ACAN: variants seen among roughly 807,000 people sequenced by gnomAD.
The protein encoded by ACAN is aggrecan core protein.
In ACAN, 47 loss-of-function variants were observed where a neutral mutation model predicts 169.1. The observed-to-expected ratio is 0.28, with a 90% CI of 0.22 to 0.35. The LOEUF (loss-of-function observed/expected upper bound fraction) is 0.35, where lower values mean the gene tolerates loss of function less well. Among genes scored for constraint, ACAN ranks in the 10% least tolerant of loss-of-function variants. ACAN has a pLI of 1.00. For missense variants in ACAN, 2,716 were observed against 2,759.9 expected, an observed-to-expected ratio of 0.98 and a Z score of 0.36; for synonymous variants, 1,115 against 1,112.2, an observed-to-expected ratio of 1.00 and a Z score of -0.05.
chr15:88,827,889 C>T (rs1293131485), intron 1 of ACAN, among the ~76,000 whole-genome samples: 2 of 152,192 alleles, frequency 1.3e-5, no homozygotes, highest in East Asian at 3.8e-4. Flanking sequence ...AGGAAAGTGT[C>T]AGAGCTGCGA....
At chr15:88,832,208 G>GA (rs1358367351) in intron 1 of ACAN, among the ~76,000 whole-genome samples, 1 of 149,710 alleles carries the variant, frequency 6.7e-6, no homozygotes, top group Non-Finnish European at 1.5e-5. Flanking sequence ...GTGAAGGAAT[G>GA]AAAAAAAAGA....
chr15:88,836,483 C>G (rs1896506919), intron 2 of ACAN, among the ~76,000 whole-genome samples: 1 of 152,214 alleles, frequency 6.6e-6, no homozygotes, highest in Non-Finnish European at 1.5e-5. Context: ...AGGAGCCTTG[C>G]TCAGATAACA....
intron 4 of ACAN, 88 bp from the exon 5 acceptor site, chr15:88,841,652 C>A: frequency 6.5e-7 from 1 of 1,530,308 alleles, no homozygotes; most frequent in South Asian, 1.2e-5. Context: ...GTTGCTGTTT[C>A]CTCCCACGGG....
Position 88,849,823 on chromosome 15 carries a change from C to T in ACAN, c.2026+92C>T. The T allele has an allele frequency of 7.3e-6, 11 of 1,503,622 alleles. No homozygotes were observed. Among genetic ancestry groups the T allele is most frequent in the Non-Finnish European group, 1.0e-5 (11 of 1,103,724 alleles). The allele number at this position is 1,503,622 out of a possible 1,614,324, so 93.1% of individuals were successfully genotyped here. On this transcript the variant is annotated intron_variant, in intron 10 of 18. Transcript: ENST00000560601. The surrounding 1 kb of genome is among the most constrained non-coding windows in gnomAD (Gnocchi z 5.1). ...ATCCTGCCACCACCCAGTATCCCAT[C>T]CATCAGAGCAAGAAAATGTCAGTCC...
At chr15:88,865,395 G>T (rs956021178) in intron 13 of ACAN, among the ~76,000 whole-genome samples, 4 of 152,100 alleles carry the variant, frequency 2.6e-5, no homozygotes, top group Non-Finnish European at 5.9e-5. Flanking sequence ...ACCCAGGTTG[G>T]GCAAGTCACC....
At chr15:88,826,778 C>G (rs1896234646) in intron 1 of ACAN, among the ~76,000 whole-genome samples, 1 of 152,162 alleles carries the variant, frequency 6.6e-6, no homozygotes, top group East Asian at 1.9e-4. Flanking sequence ...TTCCCCATAT[C>G]CCCCTTGATT....
Position 88,874,178 on chromosome 15 carries a change from C to A in ACAN, c.7630+154C>A. ...CTGCTCAGTCACAAATAGCTGACCA[C>A]TGCCCTTAGAAGGGCCACGTACTTG... On this transcript the variant is annotated intron_variant, in intron 18 of 18. Coordinates refer to ENST00000560601, the MANE Select transcript of ACAN (RefSeq NM_001369268.1). This position sits in a 1 kb window ranked among gnomAD's most constrained non-coding sequence, Gnocchi z 7.3. 1 of 1,153,550 alleles carries A rather than the reference C, an allele frequency of 8.7e-7. No individual in the cohort carries two copies. Among genetic ancestry groups the A allele is most frequent in the Non-Finnish European group, 1.3e-6 (1 of 799,706 alleles). The allele number at this position is 1,153,550 out of a possible 1,614,324, so 71.5% of individuals were successfully genotyped here.
At chr15:88,863,275 C>T (rs1897232949) in intron 13 of ACAN, among the ~76,000 whole-genome samples, 1 of 152,176 alleles carries the variant, frequency 6.6e-6, no homozygotes, top group Admixed American at 6.5e-5. Flanking sequence ...ACTTCAAAAA[C>T]AGCAGCGTCT....
At position 88,843,252 on chromosome 15, in the gene ACAN, A is replaced by G. The variant is rs1896709136; in HGVS notation, c.758-103A>G. 8.8e-7 allele frequency: 1 copy of G among 1,134,522 alleles called. No homozygotes were observed. The highest frequency in any genetic ancestry group is 3.0e-5 in the Admixed American group (1 of 33,544). The allele number at this position is 1,134,522 out of a possible 1,614,324, so 70.3% of individuals were successfully genotyped here. On this transcript the variant is annotated intron_variant, in intron 5 of 18. Transcript: ENST00000560601. The surrounding 1 kb of genome is among the most constrained non-coding windows in gnomAD (Gnocchi z 4.0). ...TATGGGACCAGGACTTTGGGAAGTT[A>G]AAGGACTCCCAAGACCTCGTGGAAA...
intron 1 of ACAN, among the ~76,000 whole-genome samples, chr15:88,832,828 G>A (rs1453009342): frequency 1.3e-5 from 2 of 152,168 alleles, no homozygotes; most frequent in African/African-American, 4.8e-5. Context: ...GGCTCACTCA[G>A]GCCTGACAAC....
At position 88,872,917 on chromosome 15, in the gene ACAN, T is replaced by A. The variant is rs1420631612; in HGVS notation, c.7339T>A (p.Phe2447Ile). ...CTGGCGCCCCAACCAGCCTGACAAC[T>A]TTTTTGCCGCTGGAGAGGACTGTGT... The part of the protein sequence containing the change: ...ENWRPNQPDN[F>I]FAAGEDCVVM... The change falls in exon 17 of 19, where the codon TTT (phenylalanine) becomes ATT (isoleucine). Residue 2447 changes from phenylalanine to isoleucine, a missense_variant. Transcript: ENST00000560601. This position sits in a 1 kb window ranked among gnomAD's most constrained non-coding sequence, Gnocchi z 5.4. 3 of 1,613,744 alleles carry A rather than the reference T, an allele frequency of 1.9e-6. No homozygotes were observed. The highest frequency in any genetic ancestry group is 1.7e-4 in the Middle Eastern group (1 of 6,042).
chr15:88,845,435 G>A lies in ACAN; in HGVS notation c.1052-70G>A, dbSNP rs903564709. 5 of 1,530,564 alleles carry A rather than the reference G, an allele frequency of 3.3e-6. No individual in the cohort carries two copies. In the African/African-American group the frequency reaches 6.9e-5, roughly 21 times the overall value. 94.8% of individuals were successfully genotyped at this position (1,530,564 alleles called of 1,614,324 possible). On this transcript the variant is annotated intron_variant, in intron 6 of 18. Coordinates refer to ENST00000560601, the MANE Select transcript of ACAN (RefSeq NM_001369268.1). Reference sequence around the variant, plus strand: ...GGAGGGGGAGCCATGCTCATCTCCAGCCCACTCCTCATCCCCCTCAAGCCG... The same window carrying A: ...GGAGGGGGAGCCATGCTCATCTCCAACCCACTCCTCATCCCCCTCAAGCCG...
intron 1 of ACAN, among the ~76,000 whole-genome samples, chr15:88,816,200 GT>G (rs1184430971): frequency 2.6e-5 from 4 of 152,208 alleles, no homozygotes; most frequent in African/African-American, 7.2e-5. Context: ...CAAAGACCTT[GT>G]TTCCAAATAA....
Position 88,857,197 on chromosome 15 carries a change from T to C in ACAN, c.4612T>C (p.Ser1538Pro). ...TTCTGGAGAAGAAGTTCTAGAGATTTCTGCCTCTGGATTTGGGGACCTCAG... is the reference window on the plus strand; with the variant it reads ...TTCTGGAGAAGAAGTTCTAGAGATTCCTGCCTCTGGATTTGGGGACCTCAG... ...LPSGEEVLEI[S>P]ASGFGDLSGL... The change falls in exon 12 of 19, where the codon TCT (serine) becomes CCT (proline). Residue 1538 changes from serine (S) to proline (P), a missense_variant. Around this residue, in one of 3 missense-constraint regions of ACAN, gnomAD observed 1,389 missense variants for 1,363.7 expected, o/e 1.02. Transcript: ENST00000560601. 6.2e-7 allele frequency: 1 copy of C among 1,613,738 alleles called. No homozygotes were observed. The highest frequency in any genetic ancestry group is 8.5e-7 in the Non-Finnish European group (1 of 1,179,798).
At chr15:88,826,676 T>C (rs1305463811) in intron 1 of ACAN, among the ~76,000 whole-genome samples, 1 of 152,192 alleles carries the variant, frequency 6.6e-6, no homozygotes, top group Non-Finnish European at 1.5e-5. Flanking sequence ...CTGGAAGAGA[T>C]TTGGGTTTCC....
Position 88,868,068 on chromosome 15 carries a change from G to T in ACAN, c.6947-148G>T. 1.6e-6 allele frequency: 1 copy of T among 621,900 alleles called. No homozygotes were observed. Among genetic ancestry groups the T allele is most frequent in the Non-Finnish European group, 2.9e-6 (1 of 348,204 alleles). The allele number at this position is 621,900 out of a possible 1,614,324, so 38.5% of individuals were successfully genotyped here. ...CTCCAAGATGGCAGCAGCAGCAGCA[G>T]CAGCAGCAACAGTTCTCAGGAAAAC... On this transcript the variant is annotated intron_variant, in intron 13 of 18. Coordinates refer to ENST00000560601, the MANE Select transcript of ACAN (RefSeq NM_001369268.1). The surrounding 1 kb of genome is among the most constrained non-coding windows in gnomAD (Gnocchi z 5.2).
rs1401377636 is a variant in ACAN at position 88,858,117 on chromosome 15, TAAA to T, written c.5533_5535del (p.Lys1845del). The T allele has an allele frequency of 2.5e-6, 4 of 1,613,688 alleles. No homozygotes were observed. Among genetic ancestry groups the T allele is most frequent in the Non-Finnish European group, 3.4e-6 (4 of 1,179,878 alleles). On this transcript the variant is annotated inframe_deletion, in exon 12 of 19. Transcript: ENST00000560601. This position sits in a 1 kb window ranked among gnomAD's most constrained non-coding sequence, Gnocchi z 4.0. The stretch of plus-strand genomic sequence containing the variant: ...TGGTTGAAGTGGCCCCTACTACATT[TAAA>T]GAAGAAGAAGGCTTAGGGTCTGTGG...
Position 88,851,119 on chromosome 15 carries a change from C to T in ACAN, c.2027-675C>T. 6.6e-6 allele frequency: 1 copy of T among 152,462 alleles called. No individual in the cohort carries two copies. Among genetic ancestry groups the T allele is most frequent in the Non-Finnish European group, 1.5e-5 (1 of 68,214 alleles). 9.4% of individuals were successfully genotyped at this position (152,462 alleles called of 1,614,324 possible). ...AGCCATGCTGCCCCCAGCCTCCCAC[C>T]CCTGACCCTCCGTGAACTCAGCCTT... is the stretch of plus-strand genomic sequence containing the variant. On this transcript the variant is annotated intron_variant, in intron 10 of 18. Coordinates refer to ENST00000560601, the MANE Select transcript of ACAN (RefSeq NM_001369268.1). This position sits in a 1 kb window ranked among gnomAD's most constrained non-coding sequence, Gnocchi z 4.3.
At chr15:88,865,070 A>G (rs1397118332) in intron 13 of ACAN, among the ~76,000 whole-genome samples, 4 of 152,210 alleles carry the variant, frequency 2.6e-5, no homozygotes, top group Non-Finnish European at 5.9e-5. Flanking sequence ...CTTTGCAACT[A>G]TCTCTACTCC....
Sources: allele counts gnomAD v4.1 joint callset (sites outside exome capture counted in the v4.1 genomes callset), GRCh38; gene constraint gnomAD v4.1.1; regional missense constraint gnomAD v4.1.1; non-coding constraint Gnocchi (gnomAD v3.1); transcripts MANE v1.5; gene names NCBI Gene and HGNC (gene_info 2026-07-23, HGNC 2026-07-21).